The following MAP4K5 variants were observed in gnomAD, a reference collection of about 807,000 sequenced individuals.
The protein encoded by MAP4K5 is MAPK/ERK kinase kinase kinase 5.
Under a neutral mutation model 135.6 loss-of-function variants are expected in MAP4K5, and 82 were observed. The observed-to-expected ratio is 0.60, with a 90% CI of 0.51 to 0.73. The LOEUF is 0.73. Ranked by LOEUF, MAP4K5 falls within the 30% of genes least tolerant of loss-of-function variation. The pLI, the probability that MAP4K5 is intolerant of heterozygous loss-of-function variation, is 0.00. For missense variants in MAP4K5, 907 were observed against 1,010.9 expected, an observed-to-expected ratio of 0.90 and a Z score of 1.39; for synonymous variants, 347 against 335.0, an observed-to-expected ratio of 1.04 and a Z score of -0.39.
chr14:50,557,594 T>C (rs1178102650), intron 1 of MAP4K5, among the ~76,000 whole-genome samples: 2 of 152,224 alleles, frequency 1.3e-5, no homozygotes, highest in Non-Finnish European at 2.9e-5. Context: ...CATCTATATG[T>C]GGGCATTCAG....
chr14:50,426,391 T>G, intron 30 of MAP4K5, among the ~76,000 whole-genome samples: 1 of 152,208 alleles, frequency 6.6e-6, no homozygotes, highest in South Asian at 2.1e-4. Context: ...AAACAAGCAT[T>G]TTTTATGTTC....
chr14:50,504,812 T>C lies in MAP4K5; in HGVS notation c.154A>G (p.Lys52Glu). 1 of 1,557,032 alleles carries C rather than the reference T, an allele frequency of 6.4e-7. No individual in the cohort carries two copies. The highest frequency in any genetic ancestry group is 8.7e-7 in the Non-Finnish European group (1 of 1,150,094). The change falls in exon 3 of 33, where the codon AAA becomes GAA. Residue 52 changes from lysine to glutamate, a missense_variant. By Grantham distance (56) the Lys-to-Glu change is moderately conservative. Coordinates refer to ENST00000682126, the MANE Select transcript of MAP4K5 (RefSeq NM_006575.6). ...TTTTAACACATACCAGGCTCCAATT[T>C]AATGATTTTTACTGCAGCCAGCTCT... The part of the protein sequence containing the change: ...TGELAAVKII[K>E]LEPGDDFSLI...
chr14:50,474,484 CTTTT>C (rs1188865923), intron 9 of MAP4K5, among the ~76,000 whole-genome samples: 3 of 151,886 alleles, frequency 2.0e-5, no homozygotes, highest in African/African-American at 7.3e-5. Context: ...TGTTATGAGG[CTTTT>C]TATTTCTATC....
intron 18 of MAP4K5, 47 bp from the exon 19 acceptor site, chr14:50,444,083 T>G: frequency 7.7e-7 from 1 of 1,297,112 alleles, no homozygotes; most frequent in Non-Finnish European, 1.1e-6. Flanking sequence ...AAATAAGCAC[T>G]TTCCTTGAAA....
intron 13 of MAP4K5, among the ~76,000 whole-genome samples, chr14:50,459,466 T>C (rs1424125444): frequency 6.6e-6 from 1 of 152,188 alleles, no homozygotes; most frequent in Non-Finnish European, 1.5e-5. Flanking sequence ...CAACAGTCTT[T>C]TAACAGGTTT....
At chr14:50,439,919 C>T in intron 23 of MAP4K5, 94 bp downstream of exon 23, 1 of 1,209,788 alleles carries the variant, frequency 8.3e-7, no homozygotes, top group Non-Finnish European at 1.1e-6. Flanking sequence ...AGATTATAGT[C>T]ATCCAGAATT....
chr14:50,528,935 G>C (rs1321418410), intron 2 of MAP4K5, among the ~76,000 whole-genome samples: 1 of 152,124 alleles, frequency 6.6e-6, no homozygotes, highest in Non-Finnish European at 1.5e-5. Context: ...TGTGTTTTTA[G>C]GCATACTAAG....
chr14:50,531,241 T>C (rs1325032693), intron 2 of MAP4K5, among the ~76,000 whole-genome samples: 2 of 152,242 alleles, frequency 1.3e-5, no homozygotes, highest in Non-Finnish European at 2.9e-5. Flanking sequence ...CTTACTCTCA[T>C]CGTTTGTCTT....
intron 2 of MAP4K5, among the ~76,000 whole-genome samples, chr14:50,524,946 T>A (rs1266394607): frequency 1.3e-5 from 2 of 152,204 alleles, no homozygotes; most frequent in African/African-American, 4.8e-5. Flanking sequence ...AGATCATCTC[T>A]TGAAACTTTT....
intron 2 of MAP4K5, among the ~76,000 whole-genome samples, chr14:50,510,399 A>T (rs1265813623): frequency 6.6e-6 from 1 of 152,022 alleles, no homozygotes; most frequent in African/African-American, 2.4e-5. Context: ...TTTAGTTATC[A>T]CCTCCTCCAG....
Position 50,443,742 on chromosome 14 carries a change from G to A in MAP4K5, c.1466C>T (p.Thr489Ile). The change falls in exon 20 of 33, where the codon ACC becomes ATC. Residue 489 changes from threonine (T) to isoleucine (I), a missense_variant. Physicochemically the swap from Thr to Ile is moderately conservative, Grantham distance 89 (BLOSUM62 -1). Transcript: ENST00000682126. ...AATATTCCTTACCAGAACTTTTGGG[G>A]TGGGTGGAAGGCCATTGATGGCTGG... ...PKPAINGLPPTPKVLMGACFS... is the reference protein window; with the variant it reads ...PKPAINGLPPIPKVLMGACFS... 6.3e-7 allele frequency: 1 copy of A among 1,598,258 alleles called. No homozygotes were observed. The highest frequency in any genetic ancestry group is 8.5e-7 in the Non-Finnish European group (1 of 1,175,766).
At chr14:50,424,544 T>C (rs1227102841) in intron 31 of MAP4K5, among the ~76,000 whole-genome samples, 1 of 151,900 alleles carries the variant, frequency 6.6e-6, no homozygotes, top group Non-Finnish European at 1.5e-5. Flanking sequence ...ATCCCATCTC[T>C]ACTAAAAATA....
At chr14:50,537,162 G>T (rs1193909021), upstream of MAP4K5, among the ~76,000 whole-genome samples, 2 of 152,182 alleles carry the variant, frequency 1.3e-5, no homozygotes, top group African/African-American at 4.8e-5. Flanking sequence ...TAGAGACTTG[G>T]TGCCCTGCTT....
intron 1 of MAP4K5, among the ~76,000 whole-genome samples, chr14:50,553,519 C>T (rs2038728725): frequency 6.6e-6 from 1 of 152,054 alleles, no homozygotes; most frequent in Non-Finnish European, 1.5e-5. Context: ...TAAACTAGTA[C>T]AACCACTACG....
intron 1 of MAP4K5, among the ~76,000 whole-genome samples, chr14:50,544,842 C>G (rs1330297708): frequency 6.9e-6 from 1 of 144,334 alleles, no homozygotes; most frequent in Non-Finnish European, 1.5e-5. Context: ...AAGGCTGAAG[C>G]AGGAGGATTG....
rs1209239095 is a variant in MAP4K5 at position 50,442,723 on chromosome 14, A to G, written c.1564+9T>C. 3 of 1,533,564 alleles carry G rather than the reference A, an allele frequency of 2.0e-6. No individual in the cohort carries two copies. The South Asian group carries it at 3.6e-5, about 19-fold the overall frequency. The allele number at this position is 1,533,564 out of a possible 1,614,324, so 95.0% of individuals were successfully genotyped here. On this transcript the variant is annotated intron_variant, in intron 21 of 32. Transcript: ENST00000682126. The stretch of plus-strand genomic sequence containing the variant: ...TATTGGAGATGTATATAAAATTCAA[A>G]CATTTTACCTTTTGTATCAGGATGT...
intron 14 of MAP4K5, among the ~76,000 whole-genome samples, chr14:50,455,297 C>A (rs570327474): frequency 6.6e-6 from 1 of 151,814 alleles, no homozygotes; most frequent in East Asian, 1.9e-4. Context: ...ATCGAGAAAG[C>A]CTTCTAAATA....
At chr14:50,475,737 C>G (rs538954575) in intron 8 of MAP4K5, among the ~76,000 whole-genome samples, 3 of 152,196 alleles carry the variant, frequency 2.0e-5, no homozygotes, top group Admixed American at 2.0e-4. Context: ...CACAGAAACA[C>G]GTGGTTGTAA....
At chr14:50,556,523 C>T (rs1188779372) in intron 1 of MAP4K5, among the ~76,000 whole-genome samples, 1 of 152,170 alleles carries the variant, frequency 6.6e-6, no homozygotes, top group African/African-American at 2.4e-5. Flanking sequence ...CAGCCTAATC[C>T]AGTGGCTTTA....
Sources: gnomAD v4.1 joint callset for allele counts (sites outside exome capture counted in the v4.1 genomes callset) on GRCh38, gnomAD v4.1.1 for gene constraint, MANE v1.5 for transcripts, NCBI Gene and HGNC (gene_info 2026-07-23, HGNC 2026-07-21) for gene names.